The following DNAJC11 variants were observed in gnomAD, a reference collection of about 807,000 sequenced individuals.
The protein encoded by DNAJC11 is dnaJ homolog subfamily C member 11.
A neutral mutation model predicts 78.6 loss-of-function variants in DNAJC11; 15 were observed. The observed-to-expected ratio is 0.19, with a 90% CI of 0.13 to 0.29. The LOEUF (loss-of-function observed/expected upper bound fraction) is 0.29, where lower values mean the gene tolerates loss of function less well. Among genes scored for constraint, DNAJC11 ranks in the 10% least tolerant of loss-of-function variants. The pLI is 1.00. For synonymous variants in DNAJC11, 292 were observed against 272.1 expected (o/e 1.07, Z -0.72); for missense variants, 547 against 709.6 (o/e 0.77, Z 2.60).
intron 1 of DNAJC11, among the ~76,000 whole-genome samples, chr1:6,694,239 CT>C (rs1642796987): frequency 6.6e-6 from 1 of 152,096 alleles, no homozygotes; most frequent in Non-Finnish European, 1.5e-5. Flanking sequence ...AACCTTTCCC[CT>C]CCCCCTCACC....
chr1:6,695,621 C>A (rs71629796), intron 1 of DNAJC11, among the ~76,000 whole-genome samples: 5 of 82,844 alleles, frequency 6.0e-5, no homozygotes, highest in African/African-American at 5.0e-5. Context: ...GAAACCCTAT[C>A]TCTACTAAAA....
chr1:6,667,670 T>C (rs112980862), intron 4 of DNAJC11, 39 bp downstream of exon 4: 17 of 1,570,958 alleles, frequency 1.1e-5, no homozygotes, highest in Middle Eastern at 1.7e-4. Flanking sequence ...ATGAGGCCTT[T>C]TCATGAAGTG....
intron 1 of DNAJC11, 32 bp downstream of exon 1, chr1:6,701,697 C>T (rs1642932520): frequency 2.6e-6 from 4 of 1,514,246 alleles, no homozygotes; most frequent in Non-Finnish European, 3.5e-6. Flanking sequence ...GGCTCGGCCT[C>T]AGCCCCCAGA....
rs541382264 is a variant in DNAJC11 at position 6,657,857 on chromosome 1, G to A, written c.379-3818C>T. ...AGACGGGGTTTCACCGTGTTAGCCA[G>A]GATGGTCTCGATCTCCTGACCTCGT... On this transcript the variant is annotated intron_variant, in intron 4 of 15. Transcript: ENST00000377577. Among the ~76,000 whole-genome samples, 24 of 152,328 alleles carry A rather than the reference G, an allele frequency of 1.6e-4. No homozygotes were observed. The East Asian group carries it at 3.5e-3, about 22-fold the overall frequency.
chr1:6,683,149 C>T (rs1249930258), intron 1 of DNAJC11, among the ~76,000 whole-genome samples: 1 of 152,212 alleles, frequency 6.6e-6, no homozygotes, highest in East Asian at 1.9e-4. Context: ...TTTCTCCCAT[C>T]TTCCCTTTGG....
intron 12 of DNAJC11, 96 bp downstream of exon 12, chr1:6,638,199 A>T: frequency 4.8e-6 from 6 of 1,239,092 alleles, no homozygotes; most frequent in Non-Finnish European, 6.8e-6. Context: ...GTTGTTGGAG[A>T]AGAGAAGTCT....
In DNAJC11 at chr1:6,634,402, A is replaced by G. The variant is rs1641713540; in HGVS notation, c.*1273T>C. ...TGGACAACCCGAACTGCTTTTCAAA[A>G]CCAGAGGAAGGAGGTTCTTAGCCGT... is the stretch of plus-strand genomic sequence containing the variant. On this transcript the variant is annotated 3_prime_UTR_variant, in exon 16 of 16. Transcript: ENST00000377577. 1 of 1,227,742 alleles carries G rather than the reference A, an allele frequency of 8.1e-7. No individual in the cohort carries two copies. The highest frequency in any genetic ancestry group is 1.1e-6 in the Non-Finnish European group (1 of 950,702). 76.1% of individuals were successfully genotyped at this position (1,227,742 alleles called of 1,614,324 possible).
chr1:6,651,810 C>G (rs1020470950), intron 6 of DNAJC11, among the ~76,000 whole-genome samples: 82 of 152,206 alleles, frequency 5.4e-4, no homozygotes, highest in Non-Finnish European at 1.5e-4. Context: ...AAAGGAGACC[C>G]AGGCTTCAAA....
intron 4 of DNAJC11, among the ~76,000 whole-genome samples, chr1:6,655,207 A>G (rs1570279358): frequency 2.0e-5 from 3 of 152,332 alleles, no homozygotes; most frequent in Admixed American, 2.0e-4. Context: ...CTATAAACTC[A>G]ATCAAAAAGT....
intron 1 of DNAJC11, among the ~76,000 whole-genome samples, chr1:6,700,099 G>A (rs1289097408): frequency 2.6e-5 from 4 of 152,108 alleles, no homozygotes; most frequent in Admixed American, 2.6e-4. Flanking sequence ...CACCCTAACT[G>A]GTCAATTGGC....
Position 6,639,905 on chromosome 1 carries a change from T to TA in DNAJC11, c.1249_1250insT (p.Glu417ValfsTer38). ...TGCCCATGACGTGTCAACTCACTTC[T>TA]CTTTCTGAGCCCTGAGGTATGGTTT... On this transcript the variant is annotated frameshift_variant, in exon 11 of 16. Transcript: ENST00000377577. LOFTEE classifies it high-confidence loss of function. 1.2e-6 allele frequency: 2 copies of TA among 1,612,724 alleles called. No homozygotes were observed. The highest frequency in any genetic ancestry group is 1.7e-6 in the Non-Finnish European group (2 of 1,179,588).
At chr1:6,647,752 T>C (rs889677176) in intron 7 of DNAJC11, among the ~76,000 whole-genome samples, 12 of 151,878 alleles carry the variant, frequency 7.9e-5, no homozygotes, top group Admixed American at 2.6e-4. Context: ...GAGGTGGAGG[T>C]TGCAGTGAGC....
intron 1 of DNAJC11, among the ~76,000 whole-genome samples, chr1:6,687,609 G>A (rs1469093908): frequency 2.0e-5 from 3 of 151,902 alleles, no homozygotes; most frequent in Non-Finnish European, 4.4e-5. Flanking sequence ...CGCCCACCTC[G>A]GCCTCCCAAA....
intron 4 of DNAJC11, among the ~76,000 whole-genome samples, chr1:6,658,896 A>G (rs1363492744): frequency 1.3e-5 from 2 of 152,188 alleles, no homozygotes; most frequent in African/African-American, 4.8e-5. Context: ...ATCCAAGTTA[A>G]TACAGCCCAG....
intron 12 of DNAJC11, 73 bp downstream of exon 12, chr1:6,638,222 C>T: frequency 5.4e-6 from 8 of 1,489,312 alleles, no homozygotes; most frequent in Non-Finnish European, 6.4e-6. Context: ...CCTCTAAGGC[C>T]CTGAGACCAA....
At chr1:6,687,652 C>T (rs1038755428) in intron 1 of DNAJC11, among the ~76,000 whole-genome samples, 2 of 152,160 alleles carry the variant, frequency 1.3e-5, no homozygotes, top group South Asian at 2.1e-4. Flanking sequence ...CCACTGTGCC[C>T]GGCCACAGTT....
At position 6,653,072 on chromosome 1, in the gene DNAJC11, G is replaced by T; in HGVS notation, c.508-121C>A. 1 of 1,172,892 alleles carries T rather than the reference G, an allele frequency of 8.5e-7. No homozygotes were observed. Among genetic ancestry groups the T allele is most frequent in the Non-Finnish European group, 1.2e-6 (1 of 819,330 alleles). 72.7% of individuals were successfully genotyped at this position (1,172,892 alleles called of 1,614,324 possible). A position where few individuals can be genotyped will look rare whatever the true frequency, so the allele number is the denominator to read the frequency against. On this transcript the variant is annotated intron_variant, in intron 5 of 15. Coordinates refer to ENST00000377577, the MANE Select transcript of DNAJC11 (RefSeq NM_018198.4). This position sits in a 1 kb window ranked among gnomAD's most constrained non-coding sequence, Gnocchi z 4.5. ...GTGCAGACGATTCCTCTGTTCAGAAGCACACATGGATGCAGAACTGCCGCA... is the reference window on the plus strand; with the variant it reads ...GTGCAGACGATTCCTCTGTTCAGAATCACACATGGATGCAGAACTGCCGCA...
chr1:6,659,242 A>G (rs999343707), intron 4 of DNAJC11, among the ~76,000 whole-genome samples: 12 of 142,894 alleles, frequency 8.4e-5, no homozygotes, highest in Admixed American at 5.3e-4. Flanking sequence ...TTCAACTCCT[A>G]CTAATGTCTT....
chr1:6,692,535 AG>A (rs1163851271), intron 1 of DNAJC11, among the ~76,000 whole-genome samples: 2 of 151,898 alleles, frequency 1.3e-5, no homozygotes, highest in African/African-American at 4.8e-5. Context: ...AGGAAGCACA[AG>A]TTCAGAGAGA....
Sources: allele counts gnomAD v4.1 joint callset (sites outside exome capture counted in the v4.1 genomes callset), GRCh38; gene constraint gnomAD v4.1.1; non-coding constraint Gnocchi (gnomAD v3.1); transcripts MANE v1.5; gene names NCBI Gene and HGNC (gene_info 2026-07-23, HGNC 2026-07-21).